ARHGAP24: variants seen among roughly 807,000 people sequenced by gnomAD.
The protein encoded by ARHGAP24 is Rho GTPase activating protein 24.
In ARHGAP24, 50 loss-of-function variants were observed where a neutral mutation model predicts 76.4. The ratio of observed to expected loss-of-function variants is 0.65; its 90% CI spans 0.52 to 0.83. ARHGAP24 has a LOEUF of 0.83. Among genes scored for constraint, ARHGAP24 ranks in the 40% least tolerant of loss-of-function variants. The pLI, the probability that ARHGAP24 is intolerant of heterozygous loss-of-function variation, is 0.00. For synonymous variants in ARHGAP24, 345 were observed against 323.3 expected, an observed-to-expected ratio of 1.07 and a Z score of -0.72; for missense variants, 930 against 914.2, an observed-to-expected ratio of 1.02 and a Z score of -0.22.
intron 1 of ARHGAP24, among the ~76,000 whole-genome samples, chr4:85,532,781 T>G (rs1024980672): frequency 1.3e-5 from 2 of 152,206 alleles, no homozygotes; most frequent in Non-Finnish European, 2.9e-5. Context: ...ACCATTCTAA[T>G]CCTGTCACTG....
chr4:85,697,263 A>C (rs1466310153), intron 2 of ARHGAP24, among the ~76,000 whole-genome samples: 1 of 152,208 alleles, frequency 6.6e-6, no homozygotes, highest in Non-Finnish European at 1.5e-5. Context: ...TTTGATACTC[A>C]AGGAGCTTAA....
At chr4:85,565,089 A>G (rs1461222924) in intron 1 of ARHGAP24, among the ~76,000 whole-genome samples, 1 of 151,438 alleles carries the variant, frequency 6.6e-6, no homozygotes, top group Non-Finnish European at 1.5e-5. Flanking sequence ...TGTAGTGTGA[A>G]CAGTCATGTA....
chr4:85,877,405 G>A (rs1043219847), intron 3 of ARHGAP24, among the ~76,000 whole-genome samples: 1 of 152,156 alleles, frequency 6.6e-6, no homozygotes, highest in Non-Finnish European at 1.5e-5. Flanking sequence ...CAAGTGGATT[G>A]CTTGGGCCCA....
chr4:85,719,835 C>T (rs1260028405), intron 2 of ARHGAP24, among the ~76,000 whole-genome samples: 4 of 152,038 alleles, frequency 2.6e-5, no homozygotes, highest in Non-Finnish European at 5.9e-5. Flanking sequence ...TAAATCAGTC[C>T]AGGAAAAATT....
At chr4:85,788,829 G>C (rs1313071285) in intron 3 of ARHGAP24, among the ~76,000 whole-genome samples, 1 of 152,136 alleles carries the variant, frequency 6.6e-6, no homozygotes, top group East Asian at 1.9e-4. Flanking sequence ...GTACAGCTAA[G>C]ATTCCCAGAA....
intron 3 of ARHGAP24, among the ~76,000 whole-genome samples, chr4:85,871,189 G>A (rs1429612278): frequency 1.3e-5 from 2 of 152,012 alleles, no homozygotes; most frequent in East Asian, 3.9e-4. Context: ...GGGGTAGGAG[G>A]GCTTTAGGTT....
intron 3 of ARHGAP24, among the ~76,000 whole-genome samples, chr4:85,782,328 A>G (rs1727605233): frequency 6.6e-6 from 1 of 152,188 alleles, no homozygotes; most frequent in Non-Finnish European, 1.5e-5. Context: ...GAACTTTTGT[A>G]CCATAAGACC....
At chr4:85,846,025 C>T (rs1578290706) in intron 3 of ARHGAP24, among the ~76,000 whole-genome samples, 4 of 152,158 alleles carry the variant, frequency 2.6e-5, no homozygotes, top group Admixed American at 2.6e-4. Context: ...CCTGCCTCAG[C>T]CTCTCAAGTA....
At chr4:85,901,863 T>C (rs1045053167) in intron 3 of ARHGAP24, among the ~76,000 whole-genome samples, 2 of 152,084 alleles carry the variant, frequency 1.3e-5, no homozygotes, top group Admixed American at 1.3e-4. Context: ...AACATGCAGG[T>C]TTGTTGCATA....
At chr4:85,501,383 T>C (rs1285158846) in intron 1 of ARHGAP24, among the ~76,000 whole-genome samples, 4 of 152,182 alleles carry the variant, frequency 2.6e-5, no homozygotes, top group Non-Finnish European at 5.9e-5. Context: ...CTCTGCAGCA[T>C]CTGTTGTTTC....
At chr4:85,974,179 T>C (rs1739188217) in intron 6 of ARHGAP24, among the ~76,000 whole-genome samples, 1 of 152,094 alleles carries the variant, frequency 6.6e-6, no homozygotes, top group South Asian at 2.1e-4. Context: ...TTTTTATAAA[T>C]GCAGTTTTAT....
At chr4:85,943,565 C>CCAT (rs1269043330) in intron 5 of ARHGAP24, among the ~76,000 whole-genome samples, 1 of 152,022 alleles carries the variant, frequency 6.6e-6, no homozygotes, top group Non-Finnish European at 1.5e-5. Flanking sequence ...ACCCATCAAC[C>CCAT]CATCATCTAC....
At chr4:85,812,486 C>G (rs774371028) in intron 3 of ARHGAP24, among the ~76,000 whole-genome samples, 5 of 151,868 alleles carry the variant, frequency 3.3e-5, no homozygotes, top group Non-Finnish European at 7.4e-5. Context: ...TAAAATCTAA[C>G]CCAACATTTG....
rs1735859387 is a variant in ARHGAP24, at chr4:85,923,699, C to CAGACTGATATGG, written c.321_322insGACTGATATGGA (p.Ala107_Ser108insAspTer). The CAGACTGATATGG allele has an allele frequency of 6.2e-7, 1 of 1,613,806 alleles. No homozygotes were observed. The highest frequency in any genetic ancestry group is 1.1e-5 in the South Asian group (1 of 91,076). ...AATCATGAAAGCTACCTCCTCATGG[C>CAGACTGATATGG]AAGCACCCAGAATGATATGGAAGAC... On this transcript the variant is annotated stop_gained and inframe_insertion, in exon 4 of 10. Coordinates refer to ENST00000395184, the MANE Select transcript of ARHGAP24 (RefSeq NM_001025616.3). LOFTEE classifies it high-confidence loss of function.
In ARHGAP24 at chr4:85,820,518, C is replaced by A. The variant is rs11932726; in HGVS notation, c.268+98546C>A. On this transcript the variant is annotated intron_variant, in intron 3 of 9. Transcript: ENST00000395184. ...AGGAGGGAGCAGGGTAAGGATCTAA[C>A]TGACTATTGGGTTTTATACTTATTA... Among the ~76,000 whole-genome samples, 1,442 of 152,256 alleles carry A rather than the reference C, an allele frequency of 9.5e-3. 26 individuals are homozygous for A. The highest frequency in any genetic ancestry group is 0.032 in the African/African-American group (1,350 of 41,544).
At chr4:85,972,274 C>A in intron 6 of ARHGAP24, 106 bp downstream of exon 6, 1 of 1,454,900 alleles carries the variant, frequency 6.9e-7, no homozygotes, top group Non-Finnish European at 9.4e-7. Context: ...GTGTTACTCT[C>A]CACTATCCTT....
intron 2 of ARHGAP24, among the ~76,000 whole-genome samples, chr4:85,592,843 A>G (rs1728172687): frequency 6.6e-6 from 1 of 152,214 alleles, no homozygotes; most frequent in Non-Finnish European, 1.5e-5. Context: ...AAGGCTGAAT[A>G]GTACTTCATT....
rs529068965 is a variant in ARHGAP24 at position 86,002,570 on chromosome 4, G to A, written c.*1848G>A. On this transcript the variant is annotated 3_prime_UTR_variant, in exon 10 of 10. Coordinates refer to ENST00000395184, the MANE Select transcript of ARHGAP24 (RefSeq NM_001025616.3). Reference sequence around the variant, plus strand: ...AAACAAAGATATTCAAACTGCTTGGGTTCAAATGGTATACAATTTGCCAGC... The same window carrying A: ...AAACAAAGATATTCAAACTGCTTGGATTCAAATGGTATACAATTTGCCAGC... The A allele has an allele frequency of 6.6e-6, 1 of 152,016 alleles. No individual in the cohort carries two copies. Among genetic ancestry groups the A allele is most frequent in the South Asian group, 2.1e-4 (1 of 4,812 alleles). The allele number at this position is 152,016 out of a possible 1,614,324, so 9.4% of individuals were successfully genotyped here.
chr4:85,727,133 T>A (rs937939672), intron 3 of ARHGAP24, among the ~76,000 whole-genome samples: 11 of 151,956 alleles, frequency 7.2e-5, no homozygotes, highest in African/African-American at 1.2e-4. Flanking sequence ...GGCAGGAGAA[T>A]CCCTTGAACC....
Sources: gnomAD v4.1 joint callset for allele counts (sites outside exome capture counted in the v4.1 genomes callset) on GRCh38, gnomAD v4.1.1 for gene constraint, MANE v1.5 for transcripts, NCBI Gene and HGNC (gene_info 2026-07-23, HGNC 2026-07-21) for gene names.